The following BTD variants were observed in gnomAD, a reference collection of about 807,000 sequenced individuals.
BTD encodes the protein biocytinase.
In BTD, 13 loss-of-function variants were observed where a neutral mutation model predicts 17.7. That is an observed-to-expected ratio of 0.74 (90% CI 0.48 to 1.17). The LOEUF (loss-of-function observed/expected upper bound fraction) is 1.17. Ranked by LOEUF, BTD falls within the 50% of genes most tolerant of loss-of-function variation. The probability of loss-of-function intolerance (pLI) is 0.00; values close to 1 mark genes in which losing one functional copy is unlikely to be tolerated. For missense variants in BTD, 674 were observed against 650.4 expected (o/e 1.04, Z -0.39); for synonymous variants, 240 against 245.2 (o/e 0.98, Z 0.20).
rs2125507554 is a variant in BTD, at chr3:15,645,491, A to G, written c.*3A>G. The G allele has an allele frequency of 6.2e-7, 1 of 1,604,006 alleles. No homozygotes were observed. The highest frequency in any genetic ancestry group is 8.5e-7 in the Non-Finnish European group (1 of 1,179,948). The stretch of plus-strand genomic sequence containing the variant: ...GGCGCTTGTATGAGAGGGACTAGGA[A>G]AAGTGTGTGGTCTGTGGGGCGGACT... On this transcript the variant is annotated 3_prime_UTR_variant, in exon 4 of 4. Coordinates refer to ENST00000643237, the MANE Select transcript of BTD (RefSeq NM_001370658.1).
At chr3:15,657,572 A>T (rs1357068055), downstream of BTD, among the ~76,000 whole-genome samples, 2 of 152,218 alleles carry the variant, frequency 1.3e-5, no homozygotes, top group Admixed American at 1.3e-4. Context: ...GCTATTTATT[A>T]TCATAACTTC....
At position 15,652,190 on chromosome 3, in the gene BTD, G is replaced by A. The variant is rs985668292; in HGVS notation, c.*6702G>A. Among the ~76,000 whole-genome samples the A allele has an allele frequency of 6.6e-6, 1 of 152,178 alleles. No homozygotes were observed. Among genetic ancestry groups the A allele is most frequent in the Non-Finnish European group, 1.5e-5 (1 of 68,030 alleles). The stretch of plus-strand genomic sequence containing the variant: ...GAAAATACAAAAATTAGCCGGCATG[G>A]TGGCACACGCCTGTAGTCCCAGCTA... On this transcript the variant is annotated 3_prime_UTR_variant, in exon 4 of 4. Transcript: ENST00000643237.
intron 1 of BTD, chr3:15,606,951 G>GTTTTTTTTT (rs11405819): frequency 7.7e-6 from 1 of 129,300 alleles, no homozygotes; most frequent in Non-Finnish European, 1.6e-5. Context: ...GTTGTTTTTG[G>GTTTTTTTTT]TTTTTTTTTT....
downstream of BTD, among the ~76,000 whole-genome samples, chr3:15,717,314 A>G (rs1421752462): frequency 6.6e-6 from 1 of 152,102 alleles, no homozygotes; most frequent in African/African-American, 2.4e-5. Flanking sequence ...GTGGCACTGG[A>G]TCAACATTTT....
chr3:15,701,424 C>T (rs2070597389), intron 3 of BTD, among the ~76,000 whole-genome samples: 1 of 152,116 alleles, frequency 6.6e-6, no homozygotes, highest in African/African-American at 2.4e-5. Context: ...GTGGGCGGAA[C>T]ACCTGAGGTC....
At position 15,649,437 on chromosome 3, in the gene BTD, G is replaced by A. The variant is rs1320985351; in HGVS notation, c.*3949G>A. Among the ~76,000 whole-genome samples, 1 of 152,164 alleles carries A rather than the reference G, an allele frequency of 6.6e-6. No individual in the cohort carries two copies. Among genetic ancestry groups the A allele is most frequent in the African/African-American group, 2.4e-5 (1 of 41,430 alleles). On this transcript the variant is annotated 3_prime_UTR_variant, in exon 4 of 4. Coordinates refer to ENST00000643237, the MANE Select transcript of BTD (RefSeq NM_001370658.1). Reference sequence around the variant, plus strand: ...AGATGCCCAGAGGTGAACCTCATTGGGTACCATCCTGCAGGTGGGCTGCCA... The same window carrying A: ...AGATGCCCAGAGGTGAACCTCATTGAGTACCATCCTGCAGGTGGGCTGCCA...
intron 3 of BTD, chr3:15,708,207 G>A: frequency 1.1e-6 from 1 of 905,896 alleles, no homozygotes; most frequent in Non-Finnish European, 1.6e-6. Flanking sequence ...GTCTTGCGGA[G>A]GACTGGACAT....
At position 15,679,506 on chromosome 3, in the gene BTD, C is replaced by T. The variant is rs776255831; in HGVS notation, c.400-30554C>T. On this transcript the variant is annotated intron_variant, in intron 3 of 3. Transcript: ENST00000672141. ...ACAATGCAATGGACTAAAAGCATTT[C>T]CTTCCGTTTTCTGGAAAACTTCCTG... The T allele has an allele frequency of 1.4e-5, 22 of 1,613,742 alleles. No homozygotes were observed. In the East Asian group the frequency reaches 3.6e-4, roughly 26 times the overall value.
intron 3 of BTD, among the ~76,000 whole-genome samples, chr3:15,694,386 G>A (rs1373898431): frequency 2.6e-5 from 4 of 152,064 alleles, no homozygotes; most frequent in Non-Finnish European, 5.9e-5. Context: ...TATACCATCT[G>A]CTTAGCCAAC....
At chr3:15,603,283 A>G (rs2064334330) in intron 1 of BTD, among the ~76,000 whole-genome samples, 1 of 152,224 alleles carries the variant, frequency 6.6e-6, no homozygotes, top group South Asian at 2.1e-4. Context: ...AACTCATTTC[A>G]GCATTAACTC....
chr3:15,664,774 AAG>A (rs1404707564), intron 3 of BTD, among the ~76,000 whole-genome samples: 2 of 152,230 alleles, frequency 1.3e-5, no homozygotes, highest in African/African-American at 4.8e-5. Flanking sequence ...GGTAAAGAGA[AAG>A]AAATATAAGA....
At chr3:15,629,686 G>A (rs961887888) in intron 1 of BTD, among the ~76,000 whole-genome samples, 4 of 152,000 alleles carry the variant, frequency 2.6e-5, no homozygotes, top group Non-Finnish European at 5.9e-5. Context: ...CACCATGCCC[G>A]GCAAACTTTT....
At position 15,641,591 on chromosome 3, in the gene BTD, G is replaced by C. The variant is rs189398761; in HGVS notation, c.250-317G>C. Among the ~76,000 whole-genome samples, 285 of 152,258 alleles carry C rather than the reference G, an allele frequency of 1.9e-3. 2 individuals are homozygous for C. The highest frequency in any genetic ancestry group is 0.018 in the Admixed American group (274 of 15,292). On this transcript the variant is annotated intron_variant, in intron 2 of 3. Coordinates refer to ENST00000643237, the MANE Select transcript of BTD (RefSeq NM_001370658.1). ...TCCTAAGAACTCTAAATCCTTTCTA[G>C]CTATTCGCTTGTCAAACTCCTGAGC...
At chr3:15,614,125 CTTTTT>C (rs869148702) in intron 1 of BTD, among the ~76,000 whole-genome samples, 1 of 125,340 alleles carries the variant, frequency 8.0e-6, no homozygotes, top group Non-Finnish European at 1.6e-5. Flanking sequence ...TTCTTTCTTT[CTTTTT>C]TTTTTTTTTT....
At chr3:15,680,094 G>A (rs944283432) in intron 3 of BTD, among the ~76,000 whole-genome samples, 17 of 152,118 alleles carry the variant, frequency 1.1e-4, no homozygotes, top group African/African-American at 4.1e-4. Context: ...AACGAGAAAT[G>A]ACTGTGCTAT....
At chr3:15,633,547 T>A (rs564559022) in intron 1 of BTD, among the ~76,000 whole-genome samples, 1 of 152,336 alleles carries the variant, frequency 6.6e-6, no homozygotes, top group South Asian at 2.1e-4. Flanking sequence ...CCTTTAGACA[T>A]AAACAAATGT....
chr3:15,700,626 T>C (rs2070433790), intron 3 of BTD, among the ~76,000 whole-genome samples: 1 of 152,018 alleles, frequency 6.6e-6, no homozygotes, highest in Non-Finnish European at 1.5e-5. Context: ...GTACAAAAAT[T>C]AGCTGGGTGT....
intron 1 of BTD, among the ~76,000 whole-genome samples, chr3:15,619,626 G>C (rs1018076868): frequency 3.3e-5 from 5 of 152,110 alleles, no homozygotes; most frequent in African/African-American, 1.2e-4. Context: ...AATGACTTTT[G>C]CACCAACCTA....
chr3:15,625,698 G>T (rs898526126), intron 1 of BTD, among the ~76,000 whole-genome samples: 2 of 152,152 alleles, frequency 1.3e-5, no homozygotes. Context: ...TGGGACTACA[G>T]GCACCCGCCC....
Sources: gnomAD v4.1 joint callset for allele counts (sites outside exome capture counted in the v4.1 genomes callset) on GRCh38, gnomAD v4.1.1 for gene constraint, MANE v1.5 for transcripts, NCBI Gene and HGNC (gene_info 2026-07-23, HGNC 2026-07-21) for gene names.